CTNNA2: variants seen among roughly 807,000 people sequenced by gnomAD.
CTNNA2 encodes catenin alpha 2.
CTNNA2 carries 42 observed loss-of-function variants against 101.0 expected under a neutral mutation model. That is an observed-to-expected ratio of 0.42 (90% CI 0.32 to 0.54). CTNNA2 has a LOEUF of 0.54. CTNNA2 is among the 20% of genes least tolerant of loss of function. The pLI is 0.14. For missense variants in CTNNA2, 871 were observed against 1,223.1 expected (o/e 0.71, Z 4.29); for synonymous variants, 450 against 456.4 (o/e 0.99, Z 0.18).
intron 7 of CTNNA2, among the ~76,000 whole-genome samples, chr2:80,157,907 C>T (rs1704081247): frequency 6.6e-6 from 1 of 152,118 alleles, no homozygotes; most frequent in South Asian, 2.1e-4. Flanking sequence ...ATCAAGCATA[C>T]AGACTGGCAG....
chr2:79,512,638 T>C (rs1271102261), upstream of CTNNA2, among the ~76,000 whole-genome samples: 8 of 141,354 alleles, frequency 5.7e-5, no homozygotes, highest in East Asian at 1.5e-3. Context: ...GCGATTCAGC[T>C]CCGGGTCCCC....
chr2:79,967,826 A>G (rs1297024266), intron 7 of CTNNA2, among the ~76,000 whole-genome samples: 2 of 152,258 alleles, frequency 1.3e-5, no homozygotes, highest in African/African-American at 4.8e-5. Flanking sequence ...CCAAATGGCT[A>G]TCAACAGATG....
intron 4 of CTNNA2, among the ~76,000 whole-genome samples, chr2:79,472,509 CA>C (rs1296956656): frequency 4.6e-5 from 7 of 152,200 alleles, no homozygotes. Context: ...TGCCCATTTG[CA>C]GCTGAATATT....
chr2:80,574,430 T>C, intron 13 of CTNNA2, 116 bp downstream of exon 13: 3 of 1,270,292 alleles, frequency 2.4e-6, no homozygotes, highest in Non-Finnish European at 3.1e-6. Context: ...GGTAAGCTGT[T>C]TGGCTCCTTA....
At chr2:79,484,404 A>G (rs1431989419) in intron 4 of CTNNA2, among the ~76,000 whole-genome samples, 1 of 152,042 alleles carries the variant, frequency 6.6e-6, no homozygotes, top group African/African-American at 2.4e-5. Context: ...AGGTGGGGTA[A>G]GTGGGTCTGA....
At chr2:80,291,944 G>A (rs1275540700) in intron 7 of CTNNA2, among the ~76,000 whole-genome samples, 1 of 152,214 alleles carries the variant, frequency 6.6e-6, no homozygotes, top group Non-Finnish European at 1.5e-5. Context: ...GGCCTGGCCA[G>A]TTAGAAAGCT....
At chr2:79,553,071 C>T (rs1174295703) in intron 1 of CTNNA2, among the ~76,000 whole-genome samples, 1 of 152,182 alleles carries the variant, frequency 6.6e-6, no homozygotes, top group Admixed American at 6.5e-5. Flanking sequence ...ACTTTTACAA[C>T]TCTGCTTCCC....
intron 4 of CTNNA2, among the ~76,000 whole-genome samples, chr2:79,477,039 T>C (rs376439073): frequency 1.3e-5 from 2 of 152,344 alleles, no homozygotes; most frequent in African/African-American, 4.8e-5. Flanking sequence ...CAAAAGTGTT[T>C]TTACAGACCT....
At chr2:80,440,900 A>G (rs1031149329) in intron 9 of CTNNA2, among the ~76,000 whole-genome samples, 1 of 152,138 alleles carries the variant, frequency 6.6e-6, no homozygotes, top group Non-Finnish European at 1.5e-5. Context: ...ATTTTTCTTC[A>G]TAACTTTCCA....
chr2:80,324,971 A>C (rs1273211336), intron 7 of CTNNA2, among the ~76,000 whole-genome samples: 1 of 152,178 alleles, frequency 6.6e-6, no homozygotes, highest in Admixed American at 6.5e-5. Flanking sequence ...ATGTTCTGCC[A>C]TGGCACATAT....
chr2:80,328,552 T>C (rs1455594186), intron 7 of CTNNA2, among the ~76,000 whole-genome samples: 1 of 152,210 alleles, frequency 6.6e-6, no homozygotes, highest in Non-Finnish European at 1.5e-5. Context: ...TTACAGAGAC[T>C]GTAGACTCTT....
intron 7 of CTNNA2, among the ~76,000 whole-genome samples, chr2:80,340,356 C>T (rs914763726): frequency 9.9e-5 from 15 of 152,172 alleles, no homozygotes; most frequent in African/African-American, 3.1e-4. Context: ...TTTCTCATGG[C>T]CTTTTGCTGT....
In CTNNA2 at chr2:79,462,651, G is replaced by T. The variant is rs74385225; in HGVS notation, c.-134-42403G>T. On this transcript the variant is annotated intron_variant, in intron 4 of 21. Coordinates refer to the CTNNA2 transcript ENST00000466387. ...TATAGTACCTAGCATAGTACCTGCT[G>T]CAGATAGATAATTATTAAATATGTG... Among the ~76,000 whole-genome samples, 1,472 of 152,284 alleles carry T rather than the reference G, an allele frequency of 9.7e-3. 18 individuals carry two copies. The highest frequency in any genetic ancestry group is 0.035 in the South Asian group (170 of 4,812).
At chr2:80,417,005 A>G (rs1337348007) in intron 8 of CTNNA2, among the ~76,000 whole-genome samples, 1 of 151,982 alleles carries the variant, frequency 6.6e-6, no homozygotes, top group Non-Finnish European at 1.5e-5. Flanking sequence ...ATTTGCTGAA[A>G]TGCAGTTTTT....
chr2:80,563,114 G>A (rs949664662), intron 12 of CTNNA2, among the ~76,000 whole-genome samples: 61 of 151,868 alleles, frequency 4.0e-4, no homozygotes, highest in African/African-American at 1.4e-3. Context: ...GGGAACTGGA[G>A]AGTACATGTG....
chr2:80,511,431 T>A (rs1158566254), intron 9 of CTNNA2, among the ~76,000 whole-genome samples: 2 of 152,208 alleles, frequency 1.3e-5, no homozygotes, highest in Non-Finnish European at 2.9e-5. Flanking sequence ...AGTTCAAACA[T>A]GCTTGTTGTA....
At chr2:79,295,021 GTATGCGTGTGTGTA>G (rs1354903511) in intron 2 of CTNNA2, among the ~76,000 whole-genome samples, 2 of 141,334 alleles carry the variant, frequency 1.4e-5, no homozygotes, top group Non-Finnish European at 3.2e-5. Context: ...GTGTATTTGT[GTATGCGTGTGTGTA>G]TTTGTGTATG....
intron 9 of CTNNA2, among the ~76,000 whole-genome samples, chr2:80,499,188 A>G (rs935636209): frequency 1.3e-5 from 2 of 152,192 alleles, no homozygotes; most frequent in Non-Finnish European, 2.9e-5. Context: ...AAGCCGAGAA[A>G]GGAGTTACCT....
intron 4 of CTNNA2, among the ~76,000 whole-genome samples, chr2:79,490,819 G>A (rs1353684540): frequency 6.6e-6 from 1 of 152,192 alleles, no homozygotes; most frequent in African/African-American, 2.4e-5. Flanking sequence ...AGACAAGGAT[G>A]CCAGAAGATC....
Sources: gnomAD v4.1 joint callset for allele counts (sites outside exome capture counted in the v4.1 genomes callset) on GRCh38, gnomAD v4.1.1 for gene constraint, MANE v1.5 for transcripts, NCBI Gene and HGNC (gene_info 2026-07-23, HGNC 2026-07-21) for gene names.